FIP1L1: variants seen among roughly 807,000 people sequenced by gnomAD.
The protein encoded by FIP1L1 is pre-mRNA 3'-end-processing factor FIP1.
A neutral mutation model predicts 84.6 loss-of-function variants in FIP1L1; 21 were observed. The observed-to-expected ratio is 0.25, with a 90% CI of 0.18 to 0.36. The LOEUF (loss-of-function observed/expected upper bound fraction) is 0.36, where lower values mean the gene tolerates loss of function less well. FIP1L1 is among the 10% of genes least tolerant of loss of function. The pLI, the probability that FIP1L1 is intolerant of heterozygous loss-of-function variation, is 1.00. For synonymous variants in FIP1L1, 263 were observed against 242.3 expected (o/e 1.09, Z -0.80); for missense variants, 526 against 751.1 (o/e 0.70, Z 3.50).
At chr4:53,379,393 A>G in intron 3 of FIP1L1, 129 bp downstream of exon 3, 2 of 806,588 alleles carry the variant, frequency 2.5e-6, no homozygotes, top group Non-Finnish European at 4.0e-6. Flanking sequence ...TTTGGAGGAC[A>G]TTGAATCCTT....
chr4:53,420,260 CTAAAAAAAAAAT>C (rs1761809232), intron 11 of FIP1L1, among the ~76,000 whole-genome samples: 2 of 124,536 alleles, frequency 1.6e-5, no homozygotes, highest in Non-Finnish European at 3.4e-5. Flanking sequence ...CCTGTCTCTA[CTAAAAAAAAAAT>C]TAAAAAAAAA....
chr4:53,446,331 G>A, intron 15 of FIP1L1, among the ~76,000 whole-genome samples: 1 of 152,090 alleles, frequency 6.6e-6, no homozygotes, highest in Non-Finnish European at 1.5e-5. Context: ...TTAATGTGGA[G>A]TTCATTGAAA....
chr4:53,455,988 T>C (rs948309548), intron 16 of FIP1L1, among the ~76,000 whole-genome samples: 1 of 152,078 alleles, frequency 6.6e-6, no homozygotes, highest in Non-Finnish European at 1.5e-5. Flanking sequence ...TGGTGGGAAA[T>C]GTGCTGTTGA....
chr4:53,422,963 G>A (rs1444571253), intron 11 of FIP1L1, among the ~76,000 whole-genome samples: 2 of 151,978 alleles, frequency 1.3e-5, no homozygotes, highest in South Asian at 2.1e-4. Context: ...TAATCCTCCC[G>A]CCTCAGGCTC....
chr4:53,377,946 C>T (rs1431197898), intron 1 of FIP1L1, 23 bp downstream of exon 1: 2 of 1,544,642 alleles, frequency 1.3e-6, no homozygotes, highest in Non-Finnish European at 1.8e-6. Flanking sequence ...CTGTCTCTGT[C>T]TCTCGGGTTC....
At chr4:53,398,637 A>G (rs1054042906) in intron 9 of FIP1L1, among the ~76,000 whole-genome samples, 2 of 152,056 alleles carry the variant, frequency 1.3e-5, no homozygotes, top group African/African-American at 2.4e-5. Context: ...GTGTGATATT[A>G]TTTAAGTGTA....
chr4:53,414,906 A>G (rs1162940595), intron 11 of FIP1L1, among the ~76,000 whole-genome samples, 184 bp downstream of exon 11: 2 of 152,048 alleles, frequency 1.3e-5, no homozygotes, highest in Non-Finnish European at 2.9e-5. Flanking sequence ...TTGTCTTGCT[A>G]CCCATCTTTC....
Position 53,377,844 on chromosome 4 carries a change from G to A in FIP1L1, c.6G>A (p.Ser2=). Reference sequence around the variant, plus strand: ...AAGTTGCGCTCGGGGCGGCCATGTCGGCCGGCGAGGTCGAGCGCCTAGTGT... The same window carrying A: ...AAGTTGCGCTCGGGGCGGCCATGTCAGCCGGCGAGGTCGAGCGCCTAGTGT... M[S]AGEVERLVSE... is the part of the protein sequence containing the mutation. Residue 2 remains serine, a synonymous_variant, in exon 1 of 18, where the codon TCG becomes TCA. Transcript: ENST00000337488. 1 of 1,582,044 alleles carries A rather than the reference G, an allele frequency of 6.3e-7. No homozygotes were observed. The highest frequency in any genetic ancestry group is 8.6e-7 in the Non-Finnish European group (1 of 1,164,102).
At chr4:53,427,604 C>T (rs1365653213) in intron 12 of FIP1L1, among the ~76,000 whole-genome samples, 1 of 152,176 alleles carries the variant, frequency 6.6e-6, no homozygotes, top group Non-Finnish European at 1.5e-5. Flanking sequence ...GTCTGACCTG[C>T]TGCCATGTTA....
intron 10 of FIP1L1, among the ~76,000 whole-genome samples, chr4:53,402,869 GTTCA>G (rs1560510860): frequency 6.6e-6 from 1 of 152,134 alleles, no homozygotes; most frequent in African/African-American, 2.4e-5. Context: ...AGCATGGACC[GTTCA>G]TTCATAAGAA....
At chr4:53,407,729 A>G (rs1394481819) in intron 10 of FIP1L1, among the ~76,000 whole-genome samples, 1 of 151,908 alleles carries the variant, frequency 6.6e-6, no homozygotes, top group Non-Finnish European at 1.5e-5. Context: ...TGTTGAATTG[A>G]TCCCTTTAGC....
Position 53,377,883 on chromosome 4 carries a change from C to A in FIP1L1, c.45C>A (p.Gly15=). The change falls in exon 1 of 18, where the codon GGC becomes GGA. Residue 15 remains glycine, a synonymous_variant. Coordinates refer to ENST00000337488, the MANE Select transcript of FIP1L1 (RefSeq NM_030917.4). ...EVERLVSELS[G]GTGGDEEEEW... ...AGCGCCTAGTGTCGGAGCTGAGCGG[C>A]GGGACCGGAGGGGATGAGGAGGAAG... The A allele has an allele frequency of 1.2e-6, 2 of 1,602,638 alleles. No individual in the cohort carries two copies. The highest frequency in any genetic ancestry group is 1.3e-5 in the African/African-American group (1 of 74,712).
intron 3 of FIP1L1, among the ~76,000 whole-genome samples, chr4:53,381,753 C>T (rs868436361): frequency 0.01 from 889 of 87,804 alleles, 2 homozygotes; most frequent in African/African-American, 0.016. Flanking sequence ...CATTTGCATT[C>T]TTTTTTTTTT....
chr4:53,378,537 A>G (rs1411255574), intron 1 of FIP1L1: 1 of 152,590 alleles, frequency 6.6e-6, no homozygotes, highest in South Asian at 2.1e-4. Flanking sequence ...AGGTGAAGTT[A>G]TTCTTTTTTA....
At chr4:53,440,771 T>G in intron 13 of FIP1L1, 1 of 608,904 alleles carries the variant, frequency 1.6e-6, no homozygotes, top group Non-Finnish European at 3.0e-6. Context: ...CAGTTTTGAT[T>G]AAGATATTTA....
At chr4:53,408,005 A>T (rs186917226) in intron 10 of FIP1L1, among the ~76,000 whole-genome samples, 1 of 152,132 alleles carries the variant, frequency 6.6e-6, no homozygotes, top group African/African-American at 2.4e-5. Flanking sequence ...TTTAAAGCTA[A>T]CATTGTTATG....
chr4:53,442,546 C>A, intron 13 of FIP1L1, 107 bp from the exon 14 acceptor site: 1 of 725,368 alleles, frequency 1.4e-6, no homozygotes, highest in Non-Finnish European at 2.4e-6. Context: ...CATAGAGAAG[C>A]ACATTCATAT....
intron 10 of FIP1L1, among the ~76,000 whole-genome samples, chr4:53,409,992 ACCCACTGTCCTGCG>A (rs1560525208): frequency 6.6e-6 from 1 of 152,138 alleles, no homozygotes; most frequent in African/African-American, 2.4e-5. Context: ...GGTGCGCTGC[ACCCACTGTCCTGCG>A]CCCACTGTCT....
intron 10 of FIP1L1, among the ~76,000 whole-genome samples, chr4:53,409,434 C>CG (rs1755820844): frequency 6.6e-6 from 1 of 152,164 alleles, no homozygotes; most frequent in Non-Finnish European, 1.5e-5. Context: ...TTAGACTGCT[C>CG]GGGGGTCAAG....
Sources: allele counts gnomAD v4.1 joint callset (sites outside exome capture counted in the v4.1 genomes callset), GRCh38; gene constraint gnomAD v4.1.1; transcripts MANE v1.5; gene names NCBI Gene and HGNC (gene_info 2026-07-23, HGNC 2026-07-21).